The following PRKN variants were observed in gnomAD, a reference collection of about 807,000 sequenced individuals.
PRKN encodes parkin RBR E3 ubiquitin protein ligase.
Under a neutral mutation model 59.5 loss-of-function variants are expected in PRKN, and 56 were observed. The observed-to-expected ratio is 0.94, with a 90% CI of 0.76 to 1.18. The LOEUF is 1.18. PRKN is among the 50% of genes most tolerant of loss of function. PRKN has a pLI of 0.00. For synonymous variants in PRKN, 250 were observed against 222.1 expected (o/e 1.13, Z -1.12); for missense variants, 657 against 596.4 (o/e 1.10, Z -1.06).
intron 4 of PRKN, among the ~76,000 whole-genome samples, chr6:162,124,413 G>A (rs986354116): frequency 1.1e-4 from 16 of 152,146 alleles, no homozygotes; most frequent in African/African-American, 3.9e-4. Flanking sequence ...AGTGAGGTTG[G>A]GAGTTCACTA....
chr6:161,837,963 T>C (rs186375905), intron 6 of PRKN, among the ~76,000 whole-genome samples: 1 of 152,340 alleles, frequency 6.6e-6, no homozygotes, highest in East Asian at 1.9e-4. Context: ...CAGGAAACTC[T>C]ACCTCAAGTC....
At chr6:162,109,966 T>C (rs1241587446) in intron 4 of PRKN, among the ~76,000 whole-genome samples, 1 of 152,208 alleles carries the variant, frequency 6.6e-6, no homozygotes. Flanking sequence ...CCATGAATCA[T>C]TTAGTAAACA....
intron 5 of PRKN, among the ~76,000 whole-genome samples, chr6:162,027,430 T>A (rs1783476883): frequency 6.6e-6 from 1 of 152,214 alleles, no homozygotes; most frequent in Admixed American, 6.5e-5. Flanking sequence ...TGATTTCCAC[T>A]TATTTTCAGT....
intron 8 of PRKN, among the ~76,000 whole-genome samples, chr6:161,565,426 T>C (rs1359611041): frequency 6.6e-6 from 1 of 152,070 alleles, no homozygotes; most frequent in Non-Finnish European, 1.5e-5. Context: ...GTAATCCCCA[T>C]AATGCCCACA....
intron 7 of PRKN, among the ~76,000 whole-genome samples, chr6:161,624,559 AC>A (rs1276814941): frequency 2.0e-5 from 3 of 152,236 alleles, no homozygotes; most frequent in African/African-American, 4.8e-5. Flanking sequence ...CAACAAAAAA[AC>A]CTTATAAGCA....
intron 7 of PRKN, among the ~76,000 whole-genome samples, chr6:161,690,614 G>T (rs1276701546): frequency 6.6e-6 from 1 of 152,172 alleles, no homozygotes; most frequent in Admixed American, 6.5e-5. Context: ...GTTGAGAAAA[G>T]CAGATGGCCT....
At chr6:162,493,461 CA>C (rs1344623692) in intron 1 of PRKN, among the ~76,000 whole-genome samples, 17 of 152,166 alleles carry the variant, frequency 1.1e-4, no homozygotes, top group African/African-American at 3.1e-4. Context: ...CTTAATTCCA[CA>C]AATAGAGTTA....
intron 7 of PRKN, among the ~76,000 whole-genome samples, chr6:161,681,987 G>A (rs1472219537): frequency 6.6e-6 from 1 of 152,244 alleles, no homozygotes; most frequent in Non-Finnish European, 1.5e-5. Flanking sequence ...AAGTCTCCTG[G>A]ACTCCTGAGA....
chr6:162,007,559 A>G (rs1036743130), intron 5 of PRKN, among the ~76,000 whole-genome samples: 1 of 152,178 alleles, frequency 6.6e-6, no homozygotes, highest in African/African-American at 2.4e-5. Flanking sequence ...TTTAATAGGT[A>G]CCACTTAAAC....
chr6:161,624,590 G>C (rs916318424), intron 7 of PRKN, among the ~76,000 whole-genome samples: 4 of 152,188 alleles, frequency 2.6e-5, no homozygotes, highest in Non-Finnish European at 5.9e-5. Context: ...TAAATCTACA[G>C]CTCTTATGAT....
chr6:162,675,023 CTTTAT>C (rs1222816629), intron 1 of PRKN, among the ~76,000 whole-genome samples: 1 of 124,708 alleles, frequency 8.0e-6, no homozygotes, highest in Admixed American at 9.1e-5. Flanking sequence ...AGAAAGAAGA[CTTTAT>C]TTTATTTATT....
rs1475470871 is a variant in PRKN at position 161,549,117 on chromosome 6, CATGT to C, written c.934-118_934-115del. On this transcript the variant is annotated intron_variant, in intron 8 of 11. Coordinates refer to ENST00000366898, the MANE Select transcript of PRKN (RefSeq NM_004562.3). The surrounding 1 kb of genome is among the most constrained non-coding windows in gnomAD (Gnocchi z 6.0). ...CTTAACCAGTTTCAGTAAAATAATG[CATGT>C]GTGTGTGTGTGTGTGTGTGTAGGGG... 7 of 1,092,986 alleles carry C rather than the reference CATGT, an allele frequency of 6.4e-6. No individual in the cohort carries two copies. The East Asian group carries it at 1.0e-4, about 16-fold the overall frequency. 67.7% of individuals were successfully genotyped at this position (1,092,986 alleles called of 1,614,324 possible).
In PRKN at chr6:161,538,239, T is replaced by G. The variant is rs948667203; in HGVS notation, c.1083+10615A>C. ...GGTTCCTTCTCACTTGTACACTTCT[T>G]CTGATCCTGGTTCAAGAATGGGCAA... On this transcript the variant is annotated intron_variant, in intron 9 of 11. Coordinates refer to ENST00000366898, the MANE Select transcript of PRKN (RefSeq NM_004562.3). This position sits in a 1 kb window ranked among gnomAD's most constrained non-coding sequence, Gnocchi z 4.2. Among the ~76,000 whole-genome samples, 1 of 152,208 alleles carries G rather than the reference T, an allele frequency of 6.6e-6. No homozygotes were observed. The highest frequency in any genetic ancestry group is 2.4e-5 in the African/African-American group (1 of 41,458).
intron 5 of PRKN, among the ~76,000 whole-genome samples, chr6:162,052,762 A>G (rs890521189): frequency 1.3e-5 from 2 of 152,148 alleles, no homozygotes; most frequent in African/African-American, 4.8e-5. Context: ...ATATACATAC[A>G]TAGAATGTTG....
At chr6:161,599,590 T>G (rs761830828) in intron 7 of PRKN, among the ~76,000 whole-genome samples, 3 of 152,196 alleles carry the variant, frequency 2.0e-5, no homozygotes, top group Non-Finnish European at 2.9e-5. Context: ...GGACATGTCA[T>G]TTGAAAATAA....
At chr6:161,854,070 A>C (rs1477551928) in intron 6 of PRKN, among the ~76,000 whole-genome samples, 7 of 144,134 alleles carry the variant, frequency 4.9e-5, no homozygotes, top group Non-Finnish European at 1.1e-4. Flanking sequence ...TCATGGTGAA[A>C]CCCTGTTTCT....
chr6:161,624,447 T>C (rs1296945254), intron 7 of PRKN, among the ~76,000 whole-genome samples: 1 of 152,224 alleles, frequency 6.6e-6, no homozygotes, highest in Non-Finnish European at 1.5e-5. Context: ...CATTGCCAAA[T>C]GAATATAAAC....
At chr6:161,509,734 G>C (rs1000972530) in intron 9 of PRKN, among the ~76,000 whole-genome samples, 22 of 151,860 alleles carry the variant, frequency 1.4e-4, no homozygotes, top group Non-Finnish European at 3.2e-4. Flanking sequence ...ACAAAAATTA[G>C]CTGTGTGTGG....
intron 7 of PRKN, among the ~76,000 whole-genome samples, chr6:161,766,640 A>C (rs948310884): frequency 6.6e-6 from 1 of 152,182 alleles, no homozygotes; most frequent in Admixed American, 6.5e-5. Context: ...GATAAACATC[A>C]ATCTAAAGGT....
Sources: allele counts gnomAD v4.1 joint callset (sites outside exome capture counted in the v4.1 genomes callset), GRCh38; gene constraint gnomAD v4.1.1; non-coding constraint Gnocchi (gnomAD v3.1); transcripts MANE v1.5; gene names NCBI Gene and HGNC (gene_info 2026-07-23, HGNC 2026-07-21).